XRCC4: variants seen among roughly 807,000 people sequenced by gnomAD.
The protein encoded by XRCC4 is DNA repair protein XRCC4.
Under a neutral mutation model 39.1 loss-of-function variants are expected in XRCC4, and 28 were observed. That is an observed-to-expected ratio of 0.72 (90% CI 0.53 to 0.98). The LOEUF (loss-of-function observed/expected upper bound fraction) is 0.98. XRCC4 is among the 50% of genes least tolerant of loss of function. XRCC4 has a pLI of 0.00. For synonymous variants in XRCC4, 123 were observed against 126.4 expected (o/e 0.97, Z 0.18); for missense variants, 350 against 376.4 (o/e 0.93, Z 0.58).
intron 3 of XRCC4, among the ~76,000 whole-genome samples, chr5:83,171,070 A>AAT (rs1749699794): frequency 6.6e-6 from 1 of 151,982 alleles, no homozygotes; most frequent in Non-Finnish European, 1.5e-5. Flanking sequence ...ATTCACTCTA[A>AAT]TAGACCTGCA....
intron 7 of XRCC4, among the ~76,000 whole-genome samples, chr5:83,276,930 G>T (rs892612600): frequency 1.7e-4 from 26 of 152,174 alleles, no homozygotes; most frequent in African/African-American, 6.3e-4. Flanking sequence ...GTTTACTTAT[G>T]AATTTTCAAT....
intron 6 of XRCC4, among the ~76,000 whole-genome samples, chr5:83,240,516 C>A (rs1580412180): frequency 6.6e-6 from 1 of 152,114 alleles, no homozygotes; most frequent in East Asian, 1.9e-4. Context: ...TGGAGGCATT[C>A]TGACTTTTAG....
intron 1 of XRCC4, among the ~76,000 whole-genome samples, chr5:83,097,194 G>T (rs1358931085): frequency 3.3e-5 from 5 of 152,138 alleles, no homozygotes; most frequent in African/African-American, 1.2e-4. Context: ...ATCCAATTAG[G>T]AATGAAAGTG....
At chr5:83,094,555 GTCGTTGTATTCTTCA>G (rs1745586209) in intron 1 of XRCC4, among the ~76,000 whole-genome samples, 1 of 150,980 alleles carries the variant, frequency 6.6e-6, no homozygotes, top group African/African-American at 2.4e-5. Flanking sequence ...TTTCAGTTTA[GTCGTTGTATTCTTCA>G]TCTCCTGGAT....
chr5:83,330,337 T>TAA (rs1226122888), intron 7 of XRCC4, among the ~76,000 whole-genome samples: 2 of 151,862 alleles, frequency 1.3e-5, no homozygotes, highest in African/African-American at 4.8e-5. Context: ...TTTTGCAAAA[T>TAA]AAAATAAACT....
intron 6 of XRCC4, among the ~76,000 whole-genome samples, chr5:83,237,218 T>A (rs1444370045): frequency 1.3e-5 from 2 of 152,076 alleles, no homozygotes; most frequent in Non-Finnish European, 2.9e-5. Context: ...GGTATATACC[T>A]AAAAGAAAAT....
intron 7 of XRCC4, among the ~76,000 whole-genome samples, chr5:83,269,416 A>G (rs772603500): frequency 6.6e-6 from 1 of 151,162 alleles, no homozygotes; most frequent in Non-Finnish European, 1.5e-5. Context: ...AATGAGGCCA[A>G]TTGGTGTAAT....
rs991596636 is a variant in XRCC4, at chr5:83,203,697, A to T, written c.628A>T (p.Lys210Ter). 3 of 1,608,320 alleles carry T rather than the reference A, an allele frequency of 1.9e-6. No individual in the cohort carries two copies. Among genetic ancestry groups the T allele is most frequent in the Non-Finnish European group, 1.7e-6 (2 of 1,178,094 alleles). ...AGCTCAAGAACGAGAAAAGGACATCAAACAAGAAGGGTATTTTCGCTATCT... is the reference window on the plus strand; with the variant it reads ...AGCTCAAGAACGAGAAAAGGACATCTAACAAGAAGGGTATTTTCGCTATCT... ...NAAQEREKDI[K>*]QEGETAICSE... Residue 210 changes from lysine to a stop codon, truncating the protein, a stop_gained, in exon 5 of 8, where the codon AAA becomes TAA. Coordinates refer to ENST00000396027, the MANE Select transcript of XRCC4 (RefSeq NM_003401.5). LOFTEE classifies it high-confidence loss of function.
chr5:83,165,416 A>G (rs1047561672), intron 3 of XRCC4, among the ~76,000 whole-genome samples: 5 of 152,170 alleles, frequency 3.3e-5, no homozygotes, highest in Non-Finnish European at 7.3e-5. Context: ...AATAGTGGTA[A>G]TATTGCTTGT....
At chr5:83,106,351 G>A (rs1271333343) in intron 2 of XRCC4, among the ~76,000 whole-genome samples, 1 of 152,070 alleles carries the variant, frequency 6.6e-6, no homozygotes, top group African/African-American at 2.4e-5. Flanking sequence ...AGGGGAAGTG[G>A]TTGCTTGTAT....
chr5:83,247,617 G>A (rs973223994), intron 6 of XRCC4, among the ~76,000 whole-genome samples: 11 of 152,166 alleles, frequency 7.2e-5, no homozygotes, highest in East Asian at 1.9e-4. Context: ...TGATGCCATC[G>A]TACTAGCAAG....
intron 3 of XRCC4, among the ~76,000 whole-genome samples, chr5:83,132,974 T>C (rs1267152210): frequency 2.0e-5 from 3 of 152,172 alleles, no homozygotes; most frequent in East Asian, 3.9e-4. Flanking sequence ...CTCTGATTTT[T>C]AGAATTTTCA....
intron 3 of XRCC4, among the ~76,000 whole-genome samples, chr5:83,134,967 C>T (rs750246543): frequency 1.3e-5 from 2 of 152,084 alleles, no homozygotes; most frequent in South Asian, 2.1e-4. Context: ...GAAGATACTC[C>T]GGACACATCT....
At chr5:83,295,355 G>GTA (rs1755057457) in intron 7 of XRCC4, among the ~76,000 whole-genome samples, 1 of 151,980 alleles carries the variant, frequency 6.6e-6, no homozygotes, top group African/African-American at 2.4e-5. Context: ...ATAAAATGTT[G>GTA]TATATAATAA....
chr5:83,205,525 G>A (rs28360154), intron 6 of XRCC4, among the ~76,000 whole-genome samples: 100 of 152,098 alleles, frequency 6.6e-4, no homozygotes, highest in African/African-American at 2.4e-3. Flanking sequence ...TCCTAGTGAC[G>A]GTGGAAACAG....
chr5:83,332,468 G>A (rs1184990258), intron 7 of XRCC4, among the ~76,000 whole-genome samples: 1 of 152,172 alleles, frequency 6.6e-6, no homozygotes, highest in Non-Finnish European at 1.5e-5. Flanking sequence ...TATACAGACA[G>A]TGTCTAGAAA....
At chr5:83,095,603 C>T (rs372701904) in intron 1 of XRCC4, among the ~76,000 whole-genome samples, 2 of 152,020 alleles carry the variant, frequency 1.3e-5, no homozygotes. Context: ...TCTGGTAGTT[C>T]TCTACCTAGA....
At chr5:83,174,136 T>C (rs575955744) in intron 3 of XRCC4, among the ~76,000 whole-genome samples, 3 of 152,320 alleles carry the variant, frequency 2.0e-5, no homozygotes, top group East Asian at 1.9e-4. Context: ...CTTCAACTTA[T>C]AGCCAAACAC....
At position 83,127,935 on chromosome 5, in the gene XRCC4, TGTTA is replaced by T. The variant is rs537232503; in HGVS notation, c.315+16736_315+16739del. ...CATTGCTCTGCCTTCTGGCTAGTTT[TGTTA>T]GTTTGTTTGTTTGTTTGCTGAGAAG... On this transcript the variant is annotated intron_variant, in intron 3 of 7. Transcript: ENST00000396027. 8.3e-3 allele frequency among the ~76,000 whole-genome samples: 1,267 copies of T among 151,902 alleles called. 13 individuals are homozygous for T. The highest frequency in any genetic ancestry group is 0.027 in the African/African-American group (1,118 of 41,408).
Sources: allele counts gnomAD v4.1 joint callset (sites outside exome capture counted in the v4.1 genomes callset), GRCh38; gene constraint gnomAD v4.1.1; transcripts MANE v1.5; gene names NCBI Gene and HGNC (gene_info 2026-07-23, HGNC 2026-07-21).